The following EPHA5 variants were observed in gnomAD, a reference collection of about 807,000 sequenced individuals.
The protein encoded by EPHA5 is EPH receptor A5.
Under a neutral mutation model 105.0 loss-of-function variants are expected in EPHA5, and 60 were observed. The observed-to-expected ratio is 0.57, with a 90% CI of 0.46 to 0.71. The LOEUF (loss-of-function observed/expected upper bound fraction) is 0.71. EPHA5 is among the 30% of genes least tolerant of loss of function. The pLI is 0.00. For missense variants in EPHA5, 1,218 were observed against 1,274.7 expected (o/e 0.96, Z 0.68); for synonymous variants, 513 against 449.1 (o/e 1.14, Z -1.80).
chr4:65,478,127 T>C (rs1387756150), intron 5 of EPHA5, among the ~76,000 whole-genome samples: 2 of 152,162 alleles, frequency 1.3e-5, no homozygotes, highest in Non-Finnish European at 2.9e-5. Flanking sequence ...AGAACTTGAG[T>C]GTTGCTGAAG....
chr4:65,632,076 T>A (rs1746690454), intron 2 of EPHA5, among the ~76,000 whole-genome samples: 1 of 151,962 alleles, frequency 6.6e-6, no homozygotes, highest in South Asian at 2.1e-4. Flanking sequence ...TATAACAACC[T>A]TGTACAGTAG....
At chr4:65,497,119 A>T (rs147719380) in intron 3 of EPHA5, among the ~76,000 whole-genome samples, 63 of 152,276 alleles carry the variant, frequency 4.1e-4, no homozygotes, top group African/African-American at 1.5e-3. Flanking sequence ...AAATAAAGCT[A>T]ATCAACTACT....
chr4:65,373,534 A>T (rs1040176331), intron 8 of EPHA5, among the ~76,000 whole-genome samples: 1 of 151,988 alleles, frequency 6.6e-6, no homozygotes, highest in Non-Finnish European at 1.5e-5. Context: ...AAATATATTT[A>T]AAAATTAGGA....
chr4:65,556,423 C>A (rs1214287791), intron 3 of EPHA5, among the ~76,000 whole-genome samples: 1 of 152,038 alleles, frequency 6.6e-6, no homozygotes, highest in Non-Finnish European at 1.5e-5. Context: ...ATAATTTTTC[C>A]TCTCCATGAA....
intron 7 of EPHA5, among the ~76,000 whole-genome samples, chr4:65,408,385 C>T (rs7657293): frequency 0.8 from 121,636 of 151,970 alleles, 49,083 homozygotes; most frequent in South Asian, 0.92. Context: ...TTTGGAAAAA[C>T]AGCTGGGAAA....
At chr4:65,595,581 A>G (rs1274145381) in intron 3 of EPHA5, among the ~76,000 whole-genome samples, 1 of 98,468 alleles carries the variant, frequency 1.0e-5, no homozygotes, top group East Asian at 2.7e-4. Context: ...ATCTCACAAG[A>G]TTTTTTTTTT....
intron 3 of EPHA5, among the ~76,000 whole-genome samples, chr4:65,515,472 A>G (rs1184345061): frequency 6.6e-6 from 1 of 152,150 alleles, no homozygotes; most frequent in East Asian, 1.9e-4. Context: ...CAATCTATTA[A>G]GAAGATACAT....
rs148651487 is a variant in EPHA5 at position 65,550,705 on chromosome 4, G to A, written c.910+50936C>T. On this transcript the variant is annotated intron_variant, in intron 3 of 16. Coordinates refer to ENST00000613740, the MANE Select transcript of EPHA5 (RefSeq NM_001281766.3). ...CAGAAAATTAGCCAGGCATGGTGGC[G>A]CGCGCCTATAGTCCCAGCTAATCGA... Among the ~76,000 whole-genome samples the A allele has an allele frequency of 5.3e-3, 813 of 152,016 alleles. 6 individuals carry two copies. The highest frequency in any genetic ancestry group is 0.018 in the African/African-American group (763 of 41,464).
At chr4:65,649,440 A>C (rs2149525289) in intron 1 of EPHA5, among the ~76,000 whole-genome samples, 1 of 152,346 alleles carries the variant, frequency 6.6e-6, no homozygotes, top group South Asian at 2.1e-4. Flanking sequence ...TTTCATTCTA[A>C]GTAAATGACC....
intron 3 of EPHA5, among the ~76,000 whole-genome samples, chr4:65,591,153 T>C (rs935189326): frequency 2.0e-5 from 3 of 152,112 alleles, no homozygotes; most frequent in African/African-American, 7.2e-5. Flanking sequence ...TATTATCCTG[T>C]CTAAAATAAA....
chr4:65,562,840 C>T (rs529719412), intron 3 of EPHA5, among the ~76,000 whole-genome samples: 1 of 151,846 alleles, frequency 6.6e-6, no homozygotes, highest in Admixed American at 6.6e-5. Context: ...GTGGTACATG[C>T]CTATAGTTGT....
At chr4:65,541,672 G>C (rs1326715871) in intron 3 of EPHA5, among the ~76,000 whole-genome samples, 1 of 151,928 alleles carries the variant, frequency 6.6e-6, no homozygotes, top group Non-Finnish European at 1.5e-5. Flanking sequence ...ACACCCCACT[G>C]TCAGTATTGG....
intron 2 of EPHA5, among the ~76,000 whole-genome samples, chr4:65,608,301 G>A (rs1485587615): frequency 5.9e-5 from 9 of 152,016 alleles, no homozygotes; most frequent in Non-Finnish European, 1.2e-4. Context: ...TCAGGAGATC[G>A]AGACCATCCT....
chr4:65,483,124 C>A (rs1730544457), intron 5 of EPHA5, among the ~76,000 whole-genome samples: 1 of 152,068 alleles, frequency 6.6e-6, no homozygotes, highest in African/African-American at 2.4e-5. Context: ...GGTTTTCTGT[C>A]CTTGCGATAG....
intron 3 of EPHA5, among the ~76,000 whole-genome samples, chr4:65,528,449 C>T (rs1735449987): frequency 6.6e-6 from 1 of 152,012 alleles, no homozygotes; most frequent in Non-Finnish European, 1.5e-5. Context: ...CCGCCCTCCT[C>T]CTATCCTTAA....
intron 5 of EPHA5, among the ~76,000 whole-genome samples, chr4:65,463,751 T>A (rs1246174110): frequency 6.6e-6 from 1 of 152,130 alleles, no homozygotes; most frequent in Admixed American, 6.5e-5. Flanking sequence ...GTAGTTATTT[T>A]TTTGCACAAT....
At chr4:65,449,320 A>G (rs1165841566) in intron 5 of EPHA5, among the ~76,000 whole-genome samples, 7 of 152,164 alleles carry the variant, frequency 4.6e-5, no homozygotes, top group Non-Finnish European at 1.0e-4. Context: ...TGATAAAAGC[A>G]AGCATTAATG....
intron 2 of EPHA5, among the ~76,000 whole-genome samples, chr4:65,637,075 A>G (rs1747190001): frequency 6.6e-6 from 1 of 152,148 alleles, no homozygotes; most frequent in Non-Finnish European, 1.5e-5. Flanking sequence ...GCACACAAAT[A>G]TACACACACA....
At chr4:65,369,416 TAAG>T (rs1718237860) in intron 8 of EPHA5, among the ~76,000 whole-genome samples, 3 of 152,268 alleles carry the variant, frequency 2.0e-5, no homozygotes, top group Non-Finnish European at 2.9e-5. Context: ...ATTTATGCAT[TAAG>T]AAAAGACAGC....
Sources: allele counts gnomAD v4.1 joint callset (sites outside exome capture counted in the v4.1 genomes callset), GRCh38; gene constraint gnomAD v4.1.1; transcripts MANE v1.5; gene names NCBI Gene and HGNC (gene_info 2026-07-23, HGNC 2026-07-21).